CNTN5: variants seen among roughly 807,000 people sequenced by gnomAD.
The protein encoded by CNTN5 is contactin 5.
Under a neutral mutation model 129.1 loss-of-function variants are expected in CNTN5, and 77 were observed. The ratio of observed to expected loss-of-function variants is 0.60; its 90% CI spans 0.50 to 0.72. CNTN5 has a LOEUF of 0.72. Among genes scored for constraint, CNTN5 ranks in the 30% least tolerant of loss-of-function variants. The pLI, the probability that CNTN5 is intolerant of heterozygous loss-of-function variation, is 0.00. For missense variants in CNTN5, 1,478 were observed against 1,328.8 expected (o/e 1.11, Z -1.75); for synonymous variants, 509 against 465.6 (o/e 1.09, Z -1.20).
intron 2 of CNTN5, among the ~76,000 whole-genome samples, chr11:99,552,656 A>T (rs1020761237): frequency 2.0e-5 from 3 of 152,188 alleles, no homozygotes; most frequent in African/African-American, 7.2e-5. Context: ...GGCATGCTTG[A>T]GGACTAGCAA....
chr11:99,738,041 G>A (rs987962860), intron 3 of CNTN5, among the ~76,000 whole-genome samples: 3 of 152,126 alleles, frequency 2.0e-5, no homozygotes, highest in Admixed American at 1.3e-4. Context: ...ATGCAGTATC[G>A]TTAGAGAAAT....
At chr11:99,265,603 A>C (rs1427451115) in intron 1 of CNTN5, among the ~76,000 whole-genome samples, 1 of 152,086 alleles carries the variant, frequency 6.6e-6, no homozygotes, top group East Asian at 1.9e-4. Context: ...TCTAATGTTG[A>C]AAATAAATTG....
At chr11:99,923,753 G>GTCCA (rs1555158646) in intron 7 of CNTN5, among the ~76,000 whole-genome samples, 1 of 116,242 alleles carries the variant, frequency 8.6e-6, no homozygotes, top group African/African-American at 3.6e-5. Flanking sequence ...TAATCTATCT[G>GTCCA]TCTGTCTATC....
chr11:99,780,672 G>A (rs566021623), intron 3 of CNTN5, among the ~76,000 whole-genome samples: 1 of 152,090 alleles, frequency 6.6e-6, no homozygotes, highest in Admixed American at 6.6e-5. Context: ...TTCACAGTAT[G>A]TTTACTTTTG....
At chr11:100,235,152 T>C (rs1003898419) in intron 16 of CNTN5, among the ~76,000 whole-genome samples, 2 of 152,254 alleles carry the variant, frequency 1.3e-5, no homozygotes, top group African/African-American at 2.4e-5. Context: ...TATCTGTTCA[T>C]TTGTTTGAAT....
chr11:99,775,282 T>C (rs1006939818), intron 3 of CNTN5, among the ~76,000 whole-genome samples: 1 of 152,104 alleles, frequency 6.6e-6, no homozygotes, highest in Non-Finnish European at 1.5e-5. Flanking sequence ...TTTTCATTTA[T>C]GCTTTTTTAT....
rs542736261 is a variant in CNTN5 at position 99,675,859 on chromosome 11, C to G, written c.55+119590C>G. ...GTTGTGTTACCTTAGTATATCATTT[C>G]ATTTCCTTGCAAAAAGGAAACAATT... On this transcript the variant is annotated intron_variant, in intron 3 of 24. Transcript: ENST00000524871. 3.9e-5 allele frequency among the ~76,000 whole-genome samples: 6 copies of G among 152,104 alleles called. No homozygotes were observed. In the South Asian group the frequency reaches 6.2e-4, roughly 16 times the overall value.
chr11:100,096,653 G>T (rs183067741), intron 13 of CNTN5, among the ~76,000 whole-genome samples: 41 of 152,126 alleles, frequency 2.7e-4, no homozygotes, highest in Non-Finnish European at 4.3e-4. Flanking sequence ...TCATCCTAGT[G>T]ACTTATATCC....
chr11:100,195,985 G>T (rs542291913), intron 15 of CNTN5, among the ~76,000 whole-genome samples: 32 of 152,048 alleles, frequency 2.1e-4, no homozygotes, highest in Middle Eastern at 3.4e-3. Context: ...CTTTCTGTGA[G>T]ACCAAGGACA....
chr11:100,186,773 A>G (rs890973967), intron 13 of CNTN5, among the ~76,000 whole-genome samples: 3 of 152,234 alleles, frequency 2.0e-5, no homozygotes, highest in African/African-American at 7.2e-5. Flanking sequence ...TGAAAATTCT[A>G]TAATGTAGAA....
chr11:99,919,074 C>A (rs1949868077), intron 7 of CNTN5, among the ~76,000 whole-genome samples: 1 of 152,124 alleles, frequency 6.6e-6, no homozygotes, highest in South Asian at 2.1e-4. Context: ...CCCCTTCCTG[C>A]CTTTGTTTGG....
At chr11:99,777,722 A>G (rs1392695378) in intron 3 of CNTN5, among the ~76,000 whole-genome samples, 3 of 151,848 alleles carry the variant, frequency 2.0e-5, no homozygotes, top group Non-Finnish European at 4.4e-5. Flanking sequence ...CAGGTGTAAC[A>G]GAGTTGATTT....
In CNTN5 at chr11:100,074,191, G is replaced by A. The variant is rs753163987; in HGVS notation, c.1477G>A (p.Val493Ile). ...ALNQLKKTII[V>I]TKDQEVVIEC... Reference sequence around the variant, plus strand: ...GAATCAACTGAAGAAAACAATAATTGTTACCAAAGACCAAGAAGTTGTCAT... The same window carrying A: ...GAATCAACTGAAGAAAACAATAATTATTACCAAAGACCAAGAAGTTGTCAT... Residue 493 changes from valine (V) to isoleucine (I), a missense_variant, in exon 13 of 25, where the codon GTT becomes ATT. Coordinates refer to ENST00000524871, the MANE Select transcript of CNTN5 (RefSeq NM_014361.4). 3.7e-6 allele frequency: 6 copies of A among 1,612,556 alleles called. No individual in the cohort carries two copies. Among genetic ancestry groups the A allele is most frequent in the Non-Finnish European group, 5.1e-6 (6 of 1,179,222 alleles).
chr11:99,634,576 A>T (rs1951481242), intron 3 of CNTN5, among the ~76,000 whole-genome samples: 1 of 152,176 alleles, frequency 6.6e-6, no homozygotes, highest in Admixed American at 6.5e-5. Flanking sequence ...GTCTATTTAA[A>T]TGGAAATATG....
At chr11:100,109,865 A>T (rs1232678591) in intron 13 of CNTN5, among the ~76,000 whole-genome samples, 1 of 152,130 alleles carries the variant, frequency 6.6e-6, no homozygotes, top group Non-Finnish European at 1.5e-5. Context: ...TCATTTCTAC[A>T]TTCTAGCTGT....
chr11:100,294,916 G>A (rs1951071245), intron 18 of CNTN5, among the ~76,000 whole-genome samples: 1 of 151,552 alleles, frequency 6.6e-6, no homozygotes, highest in Non-Finnish European at 1.5e-5. Context: ...CATGGGTTTC[G>A]CTGATTAGCT....
intron 1 of CNTN5, among the ~76,000 whole-genome samples, chr11:99,272,413 AT>A (rs532767363): frequency 6.5e-4 from 98 of 151,740 alleles, no homozygotes; most frequent in Admixed American, 3.7e-3. Context: ...AAAAAATAGT[AT>A]TTTTACAAAA....
chr11:99,166,512 C>T (rs1860878986), intron 1 of CNTN5, among the ~76,000 whole-genome samples: 1 of 151,374 alleles, frequency 6.6e-6, no homozygotes. Context: ...AGTACTAAGC[C>T]AAAACAAAAA....
rs563884596 is a variant in CNTN5, at chr11:99,395,763, C to A, written c.-71+70279C>A. 9.2e-5 allele frequency among the ~76,000 whole-genome samples: 14 copies of A among 152,074 alleles called. No homozygotes were observed. In the South Asian group the frequency reaches 2.9e-3, roughly 32 times the overall value. On this transcript the variant is annotated intron_variant, in intron 2 of 24. Coordinates refer to ENST00000524871, the MANE Select transcript of CNTN5 (RefSeq NM_014361.4). ...TCCAGCTTCAACCTTCTGCATATGA[C>A]TAGTCAGTTATCCCAGCACTATTTA...
Sources: gnomAD v4.1 joint callset for allele counts (sites outside exome capture counted in the v4.1 genomes callset) on GRCh38, gnomAD v4.1.1 for gene constraint, MANE v1.5 for transcripts, NCBI Gene and HGNC (gene_info 2026-07-23, HGNC 2026-07-21) for gene names.